Variants in STXBP5 observed in about 807,000 individuals in gnomAD.
STXBP5 encodes the protein syntaxin binding protein 5, also known as syntaxin-binding protein 5.
A neutral mutation model predicts 152.4 loss-of-function variants in STXBP5; 50 were observed. The ratio of observed to expected loss-of-function variants is 0.33; its 90% CI spans 0.26 to 0.42. STXBP5 has a LOEUF of 0.42. Among genes scored for constraint, STXBP5 ranks in the 10% least tolerant of loss-of-function variants. The pLI is 1.00. For missense variants in STXBP5, 1,167 were observed against 1,388.6 expected, an observed-to-expected ratio of 0.84 and a Z score of 2.54; for synonymous variants, 492 against 494.7, an observed-to-expected ratio of 0.99 and a Z score of 0.07.
chr6:147,294,428 T>A lies in STXBP5; in HGVS notation c.917+3256T>A, dbSNP rs557708821. ...TATATAAAGCACTTGTAACGTGCTC[T>A]TTATACCAGTTGTGTCACATACACC... On this transcript the variant is annotated intron_variant, in intron 9 of 27. Transcript: ENST00000321680. Among the ~76,000 whole-genome samples the A allele has an allele frequency of 2.6e-5, 4 of 152,226 alleles. No homozygotes were observed. The East Asian group carries it at 7.8e-4, about 30-fold the overall frequency.
At chr6:147,221,335 A>G (rs947267888) in intron 2 of STXBP5, among the ~76,000 whole-genome samples, 4 of 152,166 alleles carry the variant, frequency 2.6e-5, no homozygotes, top group Admixed American at 2.6e-4. Context: ...TCAGTTAAGA[A>G]ACAGAAAAGT....
intron 16 of STXBP5, among the ~76,000 whole-genome samples, chr6:147,321,457 C>T (rs570697808): frequency 4.6e-5 from 7 of 152,044 alleles, no homozygotes; most frequent in Non-Finnish European, 8.8e-5. Flanking sequence ...CCAGGTGTGG[C>T]GACATCACCT....
At chr6:147,345,721 C>A (rs1052989799) in intron 21 of STXBP5, among the ~76,000 whole-genome samples, 3 of 151,992 alleles carry the variant, frequency 2.0e-5, no homozygotes, top group African/African-American at 7.2e-5. Flanking sequence ...TTCAAGAATG[C>A]TTGTTTAGAA....
rs1336484869 is a variant in STXBP5, at chr6:147,339,273, T to C, written c.2206+35T>C. The C allele has an allele frequency of 4.0e-6, 6 of 1,509,376 alleles. No homozygotes were observed. The South Asian group carries it at 7.9e-5, about 20-fold the overall frequency. 93.5% of individuals were successfully genotyped at this position (1,509,376 alleles called of 1,614,324 possible). A position where few individuals can be genotyped will look rare whatever the true frequency, so the allele number is the denominator to read the frequency against. On this transcript the variant is annotated intron_variant, in intron 20 of 27. Coordinates refer to ENST00000321680, the MANE Select transcript of STXBP5 (RefSeq NM_001127715.4). ...CTTGATTTTAAAGTATTTTCTTTTA[T>C]GTTTAATTTATTTAGTTTACTTTGA...
intron 2 of STXBP5, among the ~76,000 whole-genome samples, chr6:147,226,728 T>G (rs1777735635): frequency 6.6e-6 from 1 of 152,234 alleles, no homozygotes; most frequent in African/African-American, 2.4e-5. Context: ...CTTATCTACT[T>G]GGAGTAACTG....
intron 7 of STXBP5, among the ~76,000 whole-genome samples, chr6:147,269,306 G>T (rs558292096): frequency 6.7e-6 from 1 of 149,822 alleles, no homozygotes; most frequent in South Asian, 2.1e-4. Flanking sequence ...TATACTAAAG[G>T]CTGGCTTAAG....
chr6:147,272,095 C>A (rs1415228132), intron 7 of STXBP5, among the ~76,000 whole-genome samples: 2 of 152,106 alleles, frequency 1.3e-5, no homozygotes, highest in African/African-American at 4.8e-5. Context: ...ATCTAAGTAG[C>A]TCTGTAATTT....
chr6:147,382,803 T>C lies in STXBP5; in HGVS notation c.3219T>C (p.Ala1073=). 1 of 1,613,434 alleles carries C rather than the reference T, an allele frequency of 6.2e-7. No individual in the cohort carries two copies. The highest frequency in any genetic ancestry group is 1.1e-5 in the South Asian group (1 of 91,068). Residue 1073 remains alanine, a synonymous_variant, in exon 27 of 28, where the codon GCT becomes GCC. Coordinates refer to ENST00000321680, the MANE Select transcript of STXBP5 (RefSeq NM_001127715.4). ...TTGGAGAATCGTCCTCAGGAAAGGC[T>C]TCAAGGAGCCTTGCACAGCATATTC... The part of the protein sequence containing the change: ...ELFGESSSGK[A]SRSLAQHIPG...
chr6:147,259,025 T>C (rs973964308), intron 4 of STXBP5, among the ~76,000 whole-genome samples: 1 of 152,136 alleles, frequency 6.6e-6, no homozygotes, highest in Non-Finnish European at 1.5e-5. Context: ...CTCTTCTCAG[T>C]TTACTTAAAT....
chr6:147,246,535 T>G (rs1350676424), intron 4 of STXBP5, among the ~76,000 whole-genome samples: 2 of 152,192 alleles, frequency 1.3e-5, no homozygotes, highest in Non-Finnish European at 2.9e-5. Flanking sequence ...TATTTTCCCC[T>G]GTAAGTACAT....
At chr6:147,300,724 C>G (rs544714405) in intron 9 of STXBP5, among the ~76,000 whole-genome samples, 1 of 152,034 alleles carries the variant, frequency 6.6e-6, no homozygotes, top group Non-Finnish European at 1.5e-5. Flanking sequence ...ATGGGAAATG[C>G]TTCACGATAT....
chr6:147,302,354 T>C (rs138696136), intron 9 of STXBP5, among the ~76,000 whole-genome samples: 75 of 152,178 alleles, frequency 4.9e-4, no homozygotes, highest in African/African-American at 1.8e-3. Flanking sequence ...GCCAGCATAA[T>C]ACGCTCTGAG....
intron 4 of STXBP5, among the ~76,000 whole-genome samples, chr6:147,249,573 A>G (rs907829584): frequency 1.3e-5 from 2 of 152,180 alleles, no homozygotes; most frequent in Non-Finnish European, 2.9e-5. Flanking sequence ...TTTCCAAGGA[A>G]AGTGTTGAGG....
At chr6:147,213,096 A>G (rs924177910) in intron 2 of STXBP5, among the ~76,000 whole-genome samples, 1 of 152,162 alleles carries the variant, frequency 6.6e-6, no homozygotes, top group African/African-American at 2.4e-5. Context: ...TTTGAGTACT[A>G]AATTTGGTAA....
intron 26 of STXBP5, among the ~76,000 whole-genome samples, chr6:147,380,169 C>T (rs1786007662): frequency 1.1e-5 from 1 of 93,580 alleles, no homozygotes; most frequent in South Asian, 3.7e-4. Flanking sequence ...TCAAAATAGC[C>T]ACGTACACAC....
rs1010729145 is a variant in STXBP5 at position 147,316,229 on chromosome 6, A to T, written c.1624A>T (p.Met542Leu). The change falls in exon 16 of 28, where the codon ATG (methionine) becomes TTG (leucine). Residue 542 changes from methionine (M) to leucine (L), a missense_variant and splice_region_variant. Coordinates refer to ENST00000321680, the MANE Select transcript of STXBP5 (RefSeq NM_001127715.4). ...KQEVITEVIPMLEVRLLYEIN... is the reference protein window; with the variant it reads ...KQEVITEVIPLLEVRLLYEIN... ...GTAAACTACCTTACTTTTACAACAG[A>T]TGCTTGAAGTTCGATTATTATATGA... The T allele has an allele frequency of 3.1e-6, 5 of 1,613,570 alleles. No homozygotes were observed. The highest frequency in any genetic ancestry group is 3.4e-6 in the Non-Finnish European group (4 of 1,179,836).
intron 9 of STXBP5, among the ~76,000 whole-genome samples, chr6:147,294,875 A>C (rs1781442494): frequency 6.6e-6 from 1 of 152,170 alleles, no homozygotes; most frequent in East Asian, 1.9e-4. Context: ...CTGGATTATG[A>C]AGTAAAATGC....
At chr6:147,248,164 C>T (rs566077820) in intron 4 of STXBP5, among the ~76,000 whole-genome samples, 1 of 151,868 alleles carries the variant, frequency 6.6e-6, no homozygotes, top group South Asian at 2.1e-4. Context: ...CCTGTATTCC[C>T]AGCTACTCGG....
chr6:147,364,225 G>T, intron 25 of STXBP5, 59 bp downstream of exon 25: 2 of 1,447,858 alleles, frequency 1.4e-6, no homozygotes, highest in African/African-American at 1.4e-5. Flanking sequence ...CTGAGGGCCC[G>T]TATACTGTCT....
Sources: gnomAD v4.1 joint callset for allele counts (sites outside exome capture counted in the v4.1 genomes callset) on GRCh38, gnomAD v4.1.1 for gene constraint, MANE v1.5 for transcripts, NCBI Gene and HGNC (gene_info 2026-07-23, HGNC 2026-07-21) for gene names.